Variants in CPQ observed in about 807,000 individuals in gnomAD.
CPQ encodes Ser-Met dipeptidase.
CPQ carries 37 observed loss-of-function variants against 45.7 expected under a neutral mutation model. The observed-to-expected ratio is 0.81, with a 90% CI of 0.62 to 1.07. CPQ has a LOEUF of 1.07. Among genes scored for constraint, CPQ ranks in the 50% least tolerant of loss-of-function variants. The pLI, the probability that CPQ is intolerant of heterozygous loss-of-function variation, is 0.00. For missense variants in CPQ, 537 were observed against 572.9 expected, an observed-to-expected ratio of 0.94 and a Z score of 0.64; for synonymous variants, 186 against 205.8, an observed-to-expected ratio of 0.90 and a Z score of 0.82.
At chr8:97,129,489 T>C (rs750793513) in intron 7 of CPQ, among the ~76,000 whole-genome samples, 26 of 152,196 alleles carry the variant, frequency 1.7e-4, no homozygotes, top group Non-Finnish European at 2.1e-4. Context: ...TACAGGCTCA[T>C]AGAAAGTACT....
intron 3 of CPQ, among the ~76,000 whole-genome samples, chr8:96,870,897 T>C (rs773829132): frequency 1.3e-5 from 2 of 151,902 alleles, no homozygotes; most frequent in African/African-American, 4.8e-5. Flanking sequence ...TAAAGGCCTT[T>C]CTCTGATGTC....
intron 1 of CPQ, among the ~76,000 whole-genome samples, chr8:96,764,430 C>A (rs966339079): frequency 8.5e-5 from 13 of 152,100 alleles, no homozygotes; most frequent in Admixed American, 5.2e-4. Context: ...CCTTATAATA[C>A]GTTCATTATC....
intron 5 of CPQ, among the ~76,000 whole-genome samples, chr8:96,973,050 A>C (rs1015258181): frequency 6.6e-6 from 1 of 152,200 alleles, no homozygotes; most frequent in Non-Finnish European, 1.5e-5. Flanking sequence ...CCAAATTGCC[A>C]GAAATAGAAT....
intron 7 of CPQ, among the ~76,000 whole-genome samples, chr8:97,130,431 T>G (rs73695784): frequency 0.02 from 2,967 of 151,204 alleles, 93 homozygotes; most frequent in African/African-American, 0.066. Flanking sequence ...TTTTTTTTTT[T>G]TTTTTTTTTT....
chr8:96,961,087 T>C lies in CPQ; in HGVS notation c.850-4848T>C, dbSNP rs77577047. On this transcript the variant is annotated intron_variant, in intron 4 of 7. Coordinates refer to ENST00000220763, the MANE Select transcript of CPQ (RefSeq NM_016134.4). ...AGAGTGGAATTGTTGGATTGTGGAA[T>C]GCCCATATGTTCAACTTTATAAGGA... Among the ~76,000 whole-genome samples the C allele has an allele frequency of 3.2e-4, 49 of 152,340 alleles. No homozygotes were observed. In the East Asian group the frequency reaches 7.9e-3, roughly 25 times the overall value.
intron 1 of CPQ, among the ~76,000 whole-genome samples, chr8:96,740,756 G>A (rs1302282201): frequency 6.6e-6 from 1 of 152,076 alleles, no homozygotes; most frequent in Non-Finnish European, 1.5e-5. Context: ...TTTATATGCT[G>A]GATTACATTT....
intron 3 of CPQ, among the ~76,000 whole-genome samples, chr8:96,852,405 A>G (rs1185788621): frequency 6.6e-6 from 1 of 152,190 alleles, no homozygotes; most frequent in Non-Finnish European, 1.5e-5. Context: ...CGTGTGTTCA[A>G]TCGTATTTCT....
intron 4 of CPQ, among the ~76,000 whole-genome samples, chr8:96,925,290 A>C (rs1234379837): frequency 6.6e-6 from 1 of 152,010 alleles, no homozygotes. Context: ...ACTTGGCTGC[A>C]GTTGGGGAGC....
chr8:96,700,072 A>G (rs1295426522), intron 1 of CPQ, among the ~76,000 whole-genome samples: 1 of 152,134 alleles, frequency 6.6e-6, no homozygotes, highest in African/African-American at 2.4e-5. Context: ...ACTCCTGGCT[A>G]GATGTTGCAT....
intron 3 of CPQ, among the ~76,000 whole-genome samples, chr8:96,869,703 T>G (rs1812041393): frequency 6.6e-6 from 1 of 152,054 alleles, no homozygotes; most frequent in Non-Finnish European, 1.5e-5. Flanking sequence ...TGTGGGAATT[T>G]GTTAGAAATG....
intron 1 of CPQ, among the ~76,000 whole-genome samples, chr8:96,689,141 C>A (rs7822811): frequency 6.6e-6 from 1 of 152,132 alleles, no homozygotes; most frequent in Non-Finnish European, 1.5e-5. Flanking sequence ...AACCAGCCAA[C>A]GTTAAGAGAA....
At chr8:96,696,196 A>G (rs1357106738) in intron 1 of CPQ, among the ~76,000 whole-genome samples, 1 of 151,934 alleles carries the variant, frequency 6.6e-6, no homozygotes, top group Non-Finnish European at 1.5e-5. Context: ...CAAGAACAAA[A>G]AACCAAACAC....
At chr8:96,672,349 T>C (rs1335947714) in intron 1 of CPQ, among the ~76,000 whole-genome samples, 1 of 152,170 alleles carries the variant, frequency 6.6e-6, no homozygotes, top group Non-Finnish European at 1.5e-5. Flanking sequence ...ACTGGGGATA[T>C]AGCAGTGAAC....
chr8:97,135,369 T>C (rs1221879384), intron 7 of CPQ, among the ~76,000 whole-genome samples: 1 of 152,118 alleles, frequency 6.6e-6, no homozygotes, highest in Non-Finnish European at 1.5e-5. Flanking sequence ...GTTAGGAAGC[T>C]GCTAATGAAC....
At chr8:96,924,171 G>A (rs908758420) in intron 4 of CPQ, among the ~76,000 whole-genome samples, 1 of 152,112 alleles carries the variant, frequency 6.6e-6, no homozygotes, top group Non-Finnish European at 1.5e-5. Context: ...TTGGGGTGGG[G>A]GTAGGGGTGA....
At chr8:96,976,641 T>C (rs957358156) in intron 5 of CPQ, among the ~76,000 whole-genome samples, 7 of 152,074 alleles carry the variant, frequency 4.6e-5, no homozygotes, top group African/African-American at 1.4e-4. Flanking sequence ...GGTACTGGTA[T>C]AAAAATAGGC....
chr8:96,813,987 T>G (rs986380815), intron 2 of CPQ, among the ~76,000 whole-genome samples: 2 of 102,330 alleles, frequency 2.0e-5, no homozygotes, highest in Non-Finnish European at 4.5e-5. Context: ...GTCATATATA[T>G]ACATATATAT....
At chr8:96,781,497 C>T (rs1205377233) in intron 1 of CPQ, among the ~76,000 whole-genome samples, 1 of 152,184 alleles carries the variant, frequency 6.6e-6, no homozygotes, top group Non-Finnish European at 1.5e-5. Flanking sequence ...GCAAATCCAT[C>T]ATGATCTAAA....
chr8:96,800,341 T>C (rs1810989852), intron 2 of CPQ, among the ~76,000 whole-genome samples: 2 of 152,204 alleles, frequency 1.3e-5, no homozygotes, highest in Admixed American at 1.3e-4. Flanking sequence ...TAAAATGTGT[T>C]GGCAGGGCTG....
Sources: allele counts gnomAD v4.1 joint callset (sites outside exome capture counted in the v4.1 genomes callset), GRCh38; gene constraint gnomAD v4.1.1; transcripts MANE v1.5; gene names NCBI Gene and HGNC (gene_info 2026-07-23, HGNC 2026-07-21).